AKAP10: variants seen among roughly 807,000 people sequenced by gnomAD.
AKAP10 encodes A-kinase anchoring protein 10.
A neutral mutation model predicts 80.8 loss-of-function variants in AKAP10; 24 were observed. The ratio of observed to expected loss-of-function variants is 0.30; its 90% confidence interval spans 0.22 to 0.42. The LOEUF (loss-of-function observed/expected upper bound fraction) is 0.42. Ranked by LOEUF, AKAP10 falls within the 10% of genes least tolerant of loss-of-function variation. AKAP10 has a pLI of 1.00. For missense variants in AKAP10, 661 were observed against 794.9 expected (o/e 0.83, Z 2.03); for synonymous variants, 291 against 277.7 (o/e 1.05, Z -0.48).
chr17:19,922,078 C>A (rs911176428), intron 11 of AKAP10, among the ~76,000 whole-genome samples: 21 of 152,082 alleles, frequency 1.4e-4, no homozygotes, highest in African/African-American at 4.8e-4. Flanking sequence ...GGTACATGAA[C>A]AAAGAGGACA....
intron 11 of AKAP10, among the ~76,000 whole-genome samples, chr17:19,923,484 C>T (rs921491104): frequency 1.1e-4 from 16 of 152,180 alleles, no homozygotes; most frequent in Admixed American, 3.9e-4. Flanking sequence ...CCTTTTACTT[C>T]CTTCAAGTAC....
chr17:19,907,410 CTT>C (rs59027197), intron 14 of AKAP10, among the ~76,000 whole-genome samples: 20 of 136,386 alleles, frequency 1.5e-4, no homozygotes, highest in Non-Finnish European at 1.8e-4. Context: ...TTTTCTTTAA[CTT>C]TTTTTTTTTT....
chr17:19,925,973 G>C (rs1396155915), intron 10 of AKAP10, among the ~76,000 whole-genome samples: 2 of 152,160 alleles, frequency 1.3e-5, no homozygotes, highest in African/African-American at 4.8e-5. Flanking sequence ...TGGAATGGAA[G>C]AGAATCAAGA....
chr17:19,946,267 A>ATTT (rs1311595897), intron 5 of AKAP10, among the ~76,000 whole-genome samples: 1 of 27,070 alleles, frequency 3.7e-5, no homozygotes, highest in Non-Finnish European at 6.1e-5. Flanking sequence ...ATATATATAT[A>ATTT]TATATATATT....
Position 19,954,433 on chromosome 17 carries a change from C to T in AKAP10, c.877+3581G>A, listed in dbSNP as rs78053090. On this transcript the variant is annotated intron_variant, in intron 4 of 14. Transcript: ENST00000225737. Reference sequence around the variant, plus strand: ...ATCTGACGTAACCCTCATACTTATACGACATTAACTCAAAAAAGATATATA... The same window carrying T: ...ATCTGACGTAACCCTCATACTTATATGACATTAACTCAAAAAAGATATATA... Among the ~76,000 whole-genome samples, 75 of 151,114 alleles carry T rather than the reference C, an allele frequency of 5.0e-4. 1 individual carries two copies. The East Asian group carries it at 0.012, about 25-fold the overall frequency.
At chr17:19,969,507 G>A (rs1215782425) in intron 1 of AKAP10, among the ~76,000 whole-genome samples, 2 of 151,198 alleles carry the variant, frequency 1.3e-5, no homozygotes, top group Non-Finnish European at 2.9e-5. Context: ...CACAGGATCT[G>A]ACATAAGACT....
chr17:19,907,020 TTTTG>T, intron 14 of AKAP10, among the ~76,000 whole-genome samples: 1 of 145,210 alleles, frequency 6.9e-6, no homozygotes, highest in African/African-American at 2.8e-5. Context: ...TACTGTTTTT[TTTTG>T]TTTTTTTTTT....
intron 5 of AKAP10, 79 bp downstream of exon 5, chr17:19,947,328 T>C (rs2043145650): frequency 1.8e-6 from 2 of 1,098,174 alleles, no homozygotes; most frequent in Admixed American, 2.1e-5. Flanking sequence ...GAAAAAATTA[T>C]CTTAGTCAAT....
chr17:19,946,269 A>ATTT (rs1391072253), intron 5 of AKAP10, among the ~76,000 whole-genome samples: 5 of 26,030 alleles, frequency 1.9e-4, no homozygotes, highest in Non-Finnish European at 1.9e-4. Context: ...ATATATATAT[A>ATTT]TATATATTTT....
intron 3 of AKAP10, among the ~76,000 whole-genome samples, chr17:19,961,147 G>C (rs2043344314): frequency 6.8e-6 from 1 of 146,396 alleles, no homozygotes; most frequent in Non-Finnish European, 1.5e-5. Flanking sequence ...TTTGAGACCA[G>C]CCTGGGAAAC....
At chr17:19,916,963 TAAC>T (rs1280073459) in intron 12 of AKAP10, among the ~76,000 whole-genome samples, 1 of 135,900 alleles carries the variant, frequency 7.4e-6, no homozygotes, top group African/African-American at 2.8e-5. Context: ...AATAAATAAA[TAAC>T]AACAACAAAA....
At chr17:19,963,757 G>C (rs2043382273) in intron 2 of AKAP10, among the ~76,000 whole-genome samples, 1 of 152,040 alleles carries the variant, frequency 6.6e-6, no homozygotes, top group Admixed American at 6.6e-5. Context: ...TTAGCTGGGT[G>C]TGGGGGCAGG....
chr17:19,966,545 G>T (rs2043420896), intron 2 of AKAP10, among the ~76,000 whole-genome samples: 1 of 144,554 alleles, frequency 6.9e-6, no homozygotes, highest in Non-Finnish European at 1.5e-5. Context: ...TTTCTAACCA[G>T]ACTGCAAACA....
In AKAP10 at chr17:19,906,014, A is replaced by T; in HGVS notation, c.*213T>A. The T allele has an allele frequency of 1.8e-6, 1 of 560,950 alleles. No homozygotes were observed. Among genetic ancestry groups the T allele is most frequent in the Non-Finnish European group, 3.2e-6 (1 of 314,248 alleles). 34.7% of individuals were successfully genotyped at this position (560,950 alleles called of 1,614,324 possible). On this transcript the variant is annotated 3_prime_UTR_variant, in exon 15 of 15. Coordinates refer to ENST00000225737, the MANE Select transcript of AKAP10 (RefSeq NM_007202.4). ...AACAATACCATTTTGTATCTTTAAG[A>T]CTCTCACTGTGTGAACATCATGTGC...
At chr17:19,912,560 A>T (rs1476856513) in intron 12 of AKAP10, among the ~76,000 whole-genome samples, 1 of 151,796 alleles carries the variant, frequency 6.6e-6, no homozygotes, top group Non-Finnish European at 1.5e-5. Flanking sequence ...ACGAAACAAA[A>T]ACAGAAAATT....
At chr17:19,938,307 G>A (rs1043038870) in intron 8 of AKAP10, among the ~76,000 whole-genome samples, 2 of 144,126 alleles carry the variant, frequency 1.4e-5, no homozygotes, top group African/African-American at 2.6e-5. Context: ...CATGATCTCC[G>A]CTCACTGCAA....
rs895269437 is a variant in AKAP10 at position 19,916,479 on chromosome 17, C to G, written c.1834+3557G>C. Among the ~76,000 whole-genome samples, 20 of 152,242 alleles carry G rather than the reference C, an allele frequency of 1.3e-4. No individual in the cohort carries two copies. The East Asian group carries it at 3.9e-3, about 29-fold the overall frequency. ...GAGATAGTGGTTTGGGAAAAAATTT[C>G]CTATATATCTTCAACTGCTCATAAT... On this transcript the variant is annotated intron_variant, in intron 12 of 14. Coordinates refer to ENST00000225737, the MANE Select transcript of AKAP10 (RefSeq NM_007202.4).
In AKAP10 at chr17:19,977,639, G is replaced by A. The variant is rs1375607368; in HGVS notation, c.41C>T (p.Thr14Ile). The A allele has an allele frequency of 4.9e-6, 6 of 1,235,542 alleles. No individual in the cohort carries two copies. Among genetic ancestry groups the A allele is most frequent in the Non-Finnish European group, 6.1e-6 (6 of 988,032 alleles). 76.5% of individuals were successfully genotyped at this position (1,235,542 alleles called of 1,614,324 possible). Reference sequence around the variant, plus strand: ...GGCGGGGCCCGGGTCGGGACGGAGGGTGCGGGGGGACTGGCGCGGGGAGGG... The same window carrying A: ...GGCGGGGCCCGGGTCGGGACGGAGGATGCGGGGGGACTGGCGCGGGGAGGG... ...AGPSPRQSPRTLRPDPGPAMS... is the reference protein window; with the variant it reads ...AGPSPRQSPRILRPDPGPAMS... Residue 14 changes from threonine (T) to isoleucine (I), a missense_variant, in exon 1 of 15, where the codon ACC becomes ATC. Physicochemically the swap from Thr to Ile is moderately conservative, Grantham distance 89. Coordinates refer to ENST00000225737, the MANE Select transcript of AKAP10 (RefSeq NM_007202.4).
intron 2 of AKAP10, among the ~76,000 whole-genome samples, chr17:19,964,059 A>C (rs548042237): frequency 6.6e-6 from 1 of 152,344 alleles, no homozygotes; most frequent in South Asian, 2.1e-4. Flanking sequence ...GACTGTCTTC[A>C]AACTATTTTT....
Sources: gnomAD v4.1 joint callset for allele counts (sites outside exome capture counted in the v4.1 genomes callset) on GRCh38, gnomAD v4.1.1 for gene constraint, MANE v1.5 for transcripts, NCBI Gene and HGNC (gene_info 2026-07-23, HGNC 2026-07-21) for gene names.